The following PTCH1 variants were observed in gnomAD, a reference collection of about 807,000 sequenced individuals.
PTCH1 encodes protein patched homolog 1.
In PTCH1, 14 loss-of-function variants were observed where a neutral mutation model predicts 144.6. That is an observed-to-expected ratio of 0.10 (90% CI 0.06 to 0.15). The LOEUF is 0.15. PTCH1 is among the 10% of genes least tolerant of loss of function. The probability of loss-of-function intolerance (pLI) is 1.00; values close to 1 mark genes in which losing one functional copy is unlikely to be tolerated. For missense variants in PTCH1, 1,623 were observed against 1,948.3 expected (o/e 0.83, Z 3.14); for synonymous variants, 833 against 793.6 (o/e 1.05, Z -0.83).
rs1281934134 is a variant in PTCH1 at position 95,443,704 on chromosome 9, T to C, written c.*2689A>G. On this transcript the variant is annotated 3_prime_UTR_variant, in exon 24 of 24. Transcript: ENST00000331920. ...ATGGATTCATCACATATAAATTCTT[T>C]AAAAATATACTTCTGTCAAAAGACT... The C allele has an allele frequency of 6.6e-6, 1 of 152,626 alleles. No homozygotes were observed. The highest frequency in any genetic ancestry group is 2.4e-5 in the African/African-American group (1 of 41,450). The allele number at this position is 152,626 out of a possible 1,614,324, so 9.5% of individuals were successfully genotyped here.
chr9:95,453,381 C>T (rs546535855), intron 20 of PTCH1, 97 bp downstream of exon 20: 16 of 1,567,978 alleles, frequency 1.0e-5, no homozygotes, highest in African/African-American at 1.3e-5. Context: ...CCACCCGCCT[C>T]GGCCTCCTAA....
At chr9:95,516,234 G>A (rs1844356934) in intron 1 of PTCH1, among the ~76,000 whole-genome samples, 1 of 148,682 alleles carries the variant, frequency 6.7e-6, no homozygotes, top group Non-Finnish European at 1.5e-5. Flanking sequence ...GGGGGCGGGG[G>A]CCCGGGCGTG....
chr9:95,505,135 C>T (rs1843465048), intron 2 of PTCH1, among the ~76,000 whole-genome samples: 1 of 152,180 alleles, frequency 6.6e-6, no homozygotes, highest in African/African-American at 2.4e-5. Context: ...TCCAACTCCA[C>T]CCCAGGCTTG....
exon 1 of PTCH1, chr9:95,516,639 TC>T (rs1844376473): frequency 3.1e-6 from 5 of 1,609,870 alleles, no homozygotes; most frequent in African/African-American, 1.3e-5. Context: ...GCTGCGGGTC[TC>T]TTTGTCTCCC....
intron 16 of PTCH1, among the ~76,000 whole-genome samples, chr9:95,460,525 C>T (rs1301604856): frequency 1.3e-5 from 2 of 152,148 alleles, no homozygotes; most frequent in African/African-American, 4.8e-5. Context: ...GGCCTCATTC[C>T]TCGCTTTGGG....
intron 2 of PTCH1, among the ~76,000 whole-genome samples, chr9:95,501,814 G>A (rs1297847494): frequency 6.6e-6 from 1 of 152,098 alleles, no homozygotes; most frequent in Non-Finnish European, 1.5e-5. Flanking sequence ...AGATACTGAG[G>A]GAGATGGGTT....
At chr9:95,516,676 T>C in exon 1 of PTCH1, 1 of 1,612,612 alleles carries the variant, frequency 6.2e-7, no homozygotes, top group Non-Finnish European at 8.5e-7. Context: ...TCTCCTCCGT[T>C]TTCTTCTTCT....
rs1841024854 is a variant in PTCH1, at chr9:95,476,214, G to A, written c.1603-55C>T. On this transcript the variant is annotated intron_variant, in intron 11 of 23. Transcript: ENST00000331920. This position sits in a 1 kb window ranked among gnomAD's most constrained non-coding sequence, Gnocchi z 4.6. ...CTGCACTGGACATGGTCCCCTTGGA[G>A]CACAGACTGTGTGAGCAGATACGTG... 2.5e-6 allele frequency: 4 copies of A among 1,587,072 alleles called. No individual in the cohort carries two copies. Among genetic ancestry groups the A allele is most frequent in the Admixed American group, 1.8e-5 (1 of 56,946 alleles).
chr9:95,443,403 C>G lies in PTCH1; in HGVS notation c.*2990G>C, dbSNP rs538697840. ...TTAAAGAAAAAAAGCATTCTACAAA[C>G]AAAGATATAACCAACAAGTTATATT... On this transcript the variant is annotated 3_prime_UTR_variant, in exon 24 of 24. Coordinates refer to ENST00000331920, the MANE Select transcript of PTCH1 (RefSeq NM_000264.5). The G allele has an allele frequency of 6.6e-6, 1 of 152,570 alleles. No individual in the cohort carries two copies. Among genetic ancestry groups the G allele is most frequent in the Middle Eastern group, 3.4e-3 (1 of 294 alleles). 9.5% of individuals were successfully genotyped at this position (152,570 alleles called of 1,614,324 possible).
chr9:95,482,315 A>T, intron 3 of PTCH1, 112 bp from the exon 4 acceptor site: 1 of 1,086,212 alleles, frequency 9.2e-7, no homozygotes, highest in Non-Finnish European at 1.4e-6. Flanking sequence ...ACTTTTAAGC[A>T]TCTGTCAAAA....
Position 95,459,748 on chromosome 9 carries a change from G to T in PTCH1, c.2739C>A (p.Ile913=), listed in dbSNP as rs1305314328. Residue 913 remains isoleucine (I), a synonymous_variant, in exon 17 of 24, where the codon ATC becomes ATA. Transcript: ENST00000331920. The part of the protein sequence containing the change: ...TKQRLVDADG[I]INPSAFYIYL... ...AGATGTAGAAAGCGCTGGGATTAAT[G>T]ATGCCATCTGCATCCACCAGACGCT... 1 of 1,614,062 alleles carries T rather than the reference G, an allele frequency of 6.2e-7. No individual in the cohort carries two copies. The highest frequency in any genetic ancestry group is 8.5e-7 in the Non-Finnish European group (1 of 1,180,042).
At chr9:95,465,164 A>G (rs1007981208) in intron 15 of PTCH1, among the ~76,000 whole-genome samples, 8 of 152,158 alleles carry the variant, frequency 5.3e-5, no homozygotes, top group African/African-American at 1.7e-4. Flanking sequence ...GCTCTATAAA[A>G]AGGTTAACCC....
chr9:95,507,147 G>A, intron 1 of PTCH1: 1 of 985,578 alleles, frequency 1.0e-6, no homozygotes, highest in South Asian at 4.7e-5. Flanking sequence ...GGCCGCCGGA[G>A]TTCACTCCCG....
intron 5 of PTCH1, 134 bp from the exon 6 acceptor site, chr9:95,480,722 A>C (rs1841473111): frequency 2.3e-6 from 2 of 873,214 alleles, no homozygotes; most frequent in East Asian, 5.2e-5. Flanking sequence ...TCTGGCATCA[A>C]AACAAATGCT....
rs538682032 is a variant in PTCH1, at chr9:95,462,024, C to T, written c.2561-26G>A. The T allele has an allele frequency of 1.2e-5, 19 of 1,614,132 alleles. No homozygotes were observed. In the South Asian group the frequency reaches 1.9e-4, roughly 16 times the overall value. ...CTAGAAATGGCAAATGATTGTAACA[C>T]ATTATAACTCGCAGCCAGAAGGACC... On this transcript the variant is annotated intron_variant, in intron 15 of 23. Coordinates refer to ENST00000331920, the MANE Select transcript of PTCH1 (RefSeq NM_000264.5).
chr9:95,480,556 T>G lies in PTCH1; in HGVS notation c.779A>C (p.Asp260Ala), dbSNP rs368102115. 2.5e-6 allele frequency: 4 copies of G among 1,613,496 alleles called. No homozygotes were observed. The highest frequency in any genetic ancestry group is 3.4e-6 in the Non-Finnish European group (4 of 1,179,900). Residue 260 changes from aspartate (D) to alanine (A), a missense_variant, in exon 6 of 24, where the codon GAC (aspartate) becomes GCC (alanine). Asp to Ala is a moderately radical substitution (Grantham distance 126, BLOSUM62 -2). Around this residue, in one of 7 missense-constraint regions of PTCH1, gnomAD observed 230 missense variants for 271.0 expected, o/e 0.85. Coordinates refer to ENST00000331920, the MANE Select transcript of PTCH1 (RefSeq NM_000264.5). Reference protein sequence around the residue: ...GKPPLRWTNFDPLEFLEELKK... With the variant: ...GKPPLRWTNFAPLEFLEELKK... Reference sequence around the variant, plus strand: ...TAACTCTTCCAGGAATTCCAAAGGGTCGAAGTTTGTCCACCGCAAAGGAGG... The same window carrying G: ...TAACTCTTCCAGGAATTCCAAAGGGGCGAAGTTTGTCCACCGCAAAGGAGG...
rs992656453 is a variant in PTCH1, at chr9:95,444,781, T to C, written c.*1612A>G. The C allele has an allele frequency of 6.6e-6, 1 of 152,318 alleles. No individual in the cohort carries two copies. The highest frequency in any genetic ancestry group is 2.4e-5 in the African/African-American group (1 of 41,418). The allele number at this position is 152,318 out of a possible 1,614,324, so 9.4% of individuals were successfully genotyped here. A position where few individuals can be genotyped will look rare whatever the true frequency, so the allele number is the denominator to read the frequency against. ...AACAAGGTGCTGGTGTGGATTTGGATGGGGAGCCGACACTGGGTGCTTCCC... is the reference window on the plus strand; with the variant it reads ...AACAAGGTGCTGGTGTGGATTTGGACGGGGAGCCGACACTGGGTGCTTCCC... On this transcript the variant is annotated 3_prime_UTR_variant, in exon 24 of 24. Coordinates refer to ENST00000331920, the MANE Select transcript of PTCH1 (RefSeq NM_000264.5).
chr9:95,496,111 C>T (rs985492982), intron 2 of PTCH1, among the ~76,000 whole-genome samples: 1 of 152,214 alleles, frequency 6.6e-6, no homozygotes, highest in African/African-American at 2.4e-5. Flanking sequence ...ACAATACTTT[C>T]GCACAGCCCT....
At position 95,449,225 on chromosome 9, in the gene PTCH1, G is replaced by T. The variant is rs377608291; in HGVS notation, c.3648C>A (p.Ser1216Arg). 3 of 1,595,260 alleles carry T rather than the reference G, an allele frequency of 1.9e-6. No individual in the cohort carries two copies. Among genetic ancestry groups the T allele is most frequent in the Non-Finnish European group, 1.7e-6 (2 of 1,170,964 alleles). The change falls in exon 22 of 24, where the codon AGC becomes AGA. Residue 1216 changes from serine (S) to arginine (R), a missense_variant. Transcript: ENST00000331920. This position sits in a 1 kb window ranked among gnomAD's most constrained non-coding sequence, Gnocchi z 5.3. Reference protein sequence around the residue: ...RFAMPPGHTHSGSDSSDSEYS... With the variant: ...RFAMPPGHTHRGSDSSDSEYS... The stretch of plus-strand genomic sequence containing the variant: ...ACTCCGAGTCGGAGGAATCAGACCC[G>T]CTGTGCGTGTGGCCGGGCGGCATGG...
Sources: allele counts gnomAD v4.1 joint callset (sites outside exome capture counted in the v4.1 genomes callset), GRCh38; gene constraint gnomAD v4.1.1; regional missense constraint gnomAD v4.1.1; non-coding constraint Gnocchi (gnomAD v3.1); transcripts MANE v1.5; gene names NCBI Gene and HGNC (gene_info 2026-07-23, HGNC 2026-07-21).